The following SWT1 variants were observed in gnomAD, a reference collection of about 807,000 sequenced individuals.
The protein encoded by SWT1 is SWT1 RNA endoribonuclease homolog.
A neutral mutation model predicts 107.3 loss-of-function variants in SWT1; 33 were observed. The observed-to-expected ratio is 0.31, with a 90% CI of 0.23 to 0.41. The LOEUF is 0.41. Ranked by LOEUF, SWT1 falls within the 10% of genes least tolerant of loss-of-function variation. SWT1 has a pLI of 1.00. For synonymous variants in SWT1, 345 were observed against 348.3 expected (o/e 0.99, Z 0.11); for missense variants, 898 against 1,028.9 (o/e 0.87, Z 1.74).
Position 185,198,537 on chromosome 1 carries a change from G to T in SWT1, c.1524-4117G>T, listed in dbSNP as rs1428230523. The stretch of plus-strand genomic sequence containing the variant: ...CTAATATTGACAGTGGGGTGTTAAA[G>T]TCTCCCACTATTATTGTGTTGGGAG... On this transcript the variant is annotated intron_variant, in intron 10 of 18. Transcript: ENST00000367500. Among the ~76,000 whole-genome samples the T allele has an allele frequency of 3.9e-5, 6 of 152,130 alleles. No homozygotes were observed. The East Asian group carries it at 9.6e-4, about 24-fold the overall frequency.
intron 5 of SWT1, chr1:185,176,959 G>A (rs1337815215): frequency 1.1e-6 from 1 of 892,982 alleles, no homozygotes; most frequent in African/African-American, 1.8e-5. Flanking sequence ...ACTCCAGCCT[G>A]GGCGACAGAG....
chr1:185,199,911 A>G (rs1235673293), intron 10 of SWT1, among the ~76,000 whole-genome samples: 2 of 152,062 alleles, frequency 1.3e-5, no homozygotes, highest in African/African-American at 4.8e-5. Flanking sequence ...CTTTTCACAT[A>G]GTTCCATATT....
Position 185,174,415 on chromosome 1 carries a change from G to C in SWT1, c.268G>C (p.Gly90Arg). 3.2e-6 allele frequency: 5 copies of C among 1,584,848 alleles called. No homozygotes were observed. The highest frequency in any genetic ancestry group is 4.3e-6 in the Non-Finnish European group (5 of 1,170,662). ...CACTCTCAGAAGGAGACCAAAAATC[G>C]GTTCTTCATCCCAAAGACCTATTAA... ...IDTLRRRPKIGSSSQRPIKLK... is the reference protein window; with the variant it reads ...IDTLRRRPKIRSSSQRPIKLK... The change falls in exon 5 of 19, where the codon GGT becomes CGT. Residue 90 changes from glycine to arginine, a missense_variant. Physicochemically the swap from Gly to Arg is moderately radical, Grantham distance 125 (BLOSUM62 -2). This residue lies in a region of SWT1 where 382 missense variants were observed against 362.4 expected (regional missense o/e 1.05). Transcript: ENST00000367500.
chr1:185,179,045 C>A (rs1405673922), intron 5 of SWT1, among the ~76,000 whole-genome samples: 1 of 152,006 alleles, frequency 6.6e-6, no homozygotes, highest in Non-Finnish European at 1.5e-5. Flanking sequence ...CTGAGGTGGG[C>A]AGATCACTTG....
intron 16 of SWT1, among the ~76,000 whole-genome samples, chr1:185,252,431 T>C (rs1662110754): frequency 6.6e-6 from 1 of 152,210 alleles, no homozygotes; most frequent in South Asian, 2.1e-4. Flanking sequence ...CTCCACATCC[T>C]CTCCAGCACC....
chr1:185,280,164 A>C (rs1664529488), intron 18 of SWT1, among the ~76,000 whole-genome samples: 1 of 152,070 alleles, frequency 6.6e-6, no homozygotes, highest in South Asian at 2.1e-4. Flanking sequence ...TTCTCATTGA[A>C]ATCTGATGGT....
intron 7 of SWT1, among the ~76,000 whole-genome samples, chr1:185,182,456 C>T (rs781043698): frequency 9.9e-5 from 15 of 151,680 alleles, no homozygotes; most frequent in Admixed American, 6.6e-4. Flanking sequence ...TTGCCTGAAC[C>T]CAGGAGTTCA....
intron 9 of SWT1, among the ~76,000 whole-genome samples, chr1:185,185,326 A>G (rs940740843): frequency 6.6e-6 from 1 of 152,192 alleles, no homozygotes; most frequent in African/African-American, 2.4e-5. Context: ...GTGGTTTGTC[A>G]GAATCGGTAA....
At chr1:185,282,233 C>T (rs1484600188) in intron 18 of SWT1, among the ~76,000 whole-genome samples, 1 of 152,162 alleles carries the variant, frequency 6.6e-6, no homozygotes, top group Non-Finnish European at 1.5e-5. Context: ...TGCCTTTTAA[C>T]ACTTTTGAGT....
intron 16 of SWT1, among the ~76,000 whole-genome samples, chr1:185,252,097 A>G (rs1162146858): frequency 1.3e-5 from 2 of 151,560 alleles, no homozygotes; most frequent in African/African-American, 4.8e-5. Flanking sequence ...TTCCAATTTC[A>G]TCCGGACATG....
At chr1:185,174,339 T>C (rs1001145905) in intron 4 of SWT1, 33 bp from the exon 5 acceptor site, 2 of 1,492,050 alleles carry the variant, frequency 1.3e-6, no homozygotes, top group Non-Finnish European at 1.8e-6. Context: ...TGTATAATTA[T>C]AATGTAACCT....
intron 13 of SWT1, among the ~76,000 whole-genome samples, chr1:185,208,658 C>T (rs1369891193): frequency 1.3e-5 from 2 of 151,808 alleles, no homozygotes; most frequent in Admixed American, 6.6e-5. Context: ...TAAAGTAAGT[C>T]GATAAATAAA....
rs148512705 is a variant in SWT1 at position 185,199,523 on chromosome 1, T to G, written c.1524-3131T>G. On this transcript the variant is annotated intron_variant, in intron 10 of 18. Coordinates refer to ENST00000367500, the MANE Select transcript of SWT1 (RefSeq NM_017673.7). ...TCCCTTATGAAGCTTAGTTTGGCTGTATATGAAAGTCTGGTTTGAAAATTC... is the reference window on the plus strand; with the variant it reads ...TCCCTTATGAAGCTTAGTTTGGCTGGATATGAAAGTCTGGTTTGAAAATTC... Among the ~76,000 whole-genome samples, 900 of 152,306 alleles carry G rather than the reference T, an allele frequency of 5.9e-3. 33 individuals carry two copies. The East Asian group carries it at 0.096, about 16-fold the overall frequency.
chr1:185,254,109 T>G (rs1662279027), intron 16 of SWT1, among the ~76,000 whole-genome samples: 1 of 111,694 alleles, frequency 9.0e-6, no homozygotes, highest in East Asian at 2.6e-4. Flanking sequence ...TGAACCAGCC[T>G]TGCATCCCAG....
At position 185,199,171 on chromosome 1, in the gene SWT1, C is replaced by T. The variant is rs4336802; in HGVS notation, c.1524-3483C>T. On this transcript the variant is annotated intron_variant, in intron 10 of 18. Transcript: ENST00000367500. Reference sequence around the variant, plus strand: ...CAGGCTGGTCTGGAACTCCTGGCCTCGTGATCCACCCACCTTGGCCTCCCA... The same window carrying T: ...CAGGCTGGTCTGGAACTCCTGGCCTTGTGATCCACCCACCTTGGCCTCCCA... Among the ~76,000 whole-genome samples, 581 of 152,094 alleles carry T rather than the reference C, an allele frequency of 3.8e-3. 23 individuals carry two copies. Among genetic ancestry groups the T allele is most frequent in the Admixed American group, 0.031 (470 of 15,258 alleles).
intron 16 of SWT1, among the ~76,000 whole-genome samples, chr1:185,260,130 C>T (rs2102689761): frequency 6.6e-6 from 1 of 152,208 alleles, no homozygotes; most frequent in East Asian, 1.9e-4. Context: ...CACATGATGG[C>T]TTAGGTGGTA....
chr1:185,244,956 G>C (rs1661504022), intron 16 of SWT1, among the ~76,000 whole-genome samples: 1 of 152,160 alleles, frequency 6.6e-6, no homozygotes, highest in Non-Finnish European at 1.5e-5. Flanking sequence ...TTGTGTGTCT[G>C]TAGTCTCAGC....
At chr1:185,216,968 A>G (rs527327052) in intron 14 of SWT1, among the ~76,000 whole-genome samples, 3 of 151,838 alleles carry the variant, frequency 2.0e-5, no homozygotes, top group African/African-American at 7.3e-5. Flanking sequence ...AAAAAAAAGA[A>G]AAGAAAAGAA....
At chr1:185,223,914 C>T (rs1659860988) in intron 15 of SWT1, among the ~76,000 whole-genome samples, 1 of 152,052 alleles carries the variant, frequency 6.6e-6, no homozygotes, top group Non-Finnish European at 1.5e-5. Flanking sequence ...GTTTTTTGTT[C>T]CTGCATTAGT....
Sources: gnomAD v4.1 joint callset for allele counts (sites outside exome capture counted in the v4.1 genomes callset) on GRCh38, gnomAD v4.1.1 for gene constraint, gnomAD v4.1.1 regional missense constraint, MANE v1.5 for transcripts, NCBI Gene and HGNC (gene_info 2026-07-23, HGNC 2026-07-21) for gene names.